Variants in NAALADL2 observed in about 807,000 individuals in gnomAD.
The protein encoded by NAALADL2 is inactive N-acetylated-alpha-linked acidic dipeptidase-like protein 2.
Under a neutral mutation model 87.2 loss-of-function variants are expected in NAALADL2, and 76 were observed. The ratio of observed to expected loss-of-function variants is 0.87; its 90% CI spans 0.72 to 1.05. NAALADL2 has a LOEUF of 1.05. Among genes scored for constraint, NAALADL2 ranks in the 50% least tolerant of loss-of-function variants. The pLI is 0.00. For missense variants in NAALADL2, 1,089 were observed against 945.8 expected, an observed-to-expected ratio of 1.15 and a Z score of -1.99; for synonymous variants, 354 against 331.0, an observed-to-expected ratio of 1.07 and a Z score of -0.75.
At chr3:175,196,414 G>T (rs555428788) in intron 2 of NAALADL2, among the ~76,000 whole-genome samples, 1 of 151,766 alleles carries the variant, frequency 6.6e-6, no homozygotes, top group African/African-American at 2.4e-5. Flanking sequence ...CTTTCTCCAG[G>T]CATCTTCCTA....
At chr3:175,344,821 A>G (rs1762956960) in intron 5 of NAALADL2, among the ~76,000 whole-genome samples, 1 of 152,180 alleles carries the variant, frequency 6.6e-6, no homozygotes, top group Non-Finnish European at 1.5e-5. Context: ...TTTATTAACT[A>G]CATTAGAAAT....
chr3:175,734,027 T>C (rs1744156402), intron 11 of NAALADL2, among the ~76,000 whole-genome samples: 1 of 152,158 alleles, frequency 6.6e-6, no homozygotes, highest in Non-Finnish European at 1.5e-5. Flanking sequence ...GTGTTGAGCA[T>C]CTGTGGCTTT....
At chr3:174,536,354 A>G (rs924339800) in intron 1 of NAALADL2, among the ~76,000 whole-genome samples, 3 of 152,108 alleles carry the variant, frequency 2.0e-5, no homozygotes, top group Non-Finnish European at 4.4e-5. Flanking sequence ...AATTACTGAG[A>G]TACGATATTG....
intron 13 of NAALADL2, among the ~76,000 whole-genome samples, chr3:175,756,712 A>G (rs981495528): frequency 3.9e-5 from 6 of 152,086 alleles, no homozygotes; most frequent in Non-Finnish European, 7.4e-5. Flanking sequence ...TACACTGTTC[A>G]CTATTTGGGT....
At chr3:175,575,770 T>A (rs73169493) in intron 9 of NAALADL2, among the ~76,000 whole-genome samples, 19,269 of 152,236 alleles carry the variant, frequency 0.13, 1,377 homozygotes, top group Middle Eastern at 0.17. Flanking sequence ...AAAAATGCTT[T>A]TGAAGCAACA....
intron 1 of NAALADL2, among the ~76,000 whole-genome samples, chr3:174,875,802 C>T (rs543078624): frequency 1.9e-4 from 29 of 151,406 alleles, no homozygotes; most frequent in Non-Finnish European, 3.3e-4. Flanking sequence ...TTGCTGGTAA[C>T]GATTAAGGTG....
chr3:174,779,657 T>C (rs1029981555), intron 3 of NAALADL2, among the ~76,000 whole-genome samples: 13 of 152,136 alleles, frequency 8.5e-5, no homozygotes, highest in Admixed American at 7.2e-4. Flanking sequence ...TGTATAGGTG[T>C]TAAAAAGGGA....
chr3:175,078,425 A>G (rs79597812), intron 1 of NAALADL2, among the ~76,000 whole-genome samples: 16,442 of 152,252 alleles, frequency 0.11, 1,016 homozygotes, highest in East Asian at 0.21. Flanking sequence ...AATTATTTAG[A>G]TATAAATTAA....
intron 9 of NAALADL2, among the ~76,000 whole-genome samples, chr3:175,488,423 T>G (rs963866725): frequency 1.3e-5 from 2 of 152,250 alleles, no homozygotes; most frequent in Non-Finnish European, 2.9e-5. Flanking sequence ...TATGCCAGCT[T>G]TTCCATTTGT....
At chr3:175,134,722 G>C (rs926467602) in intron 2 of NAALADL2, among the ~76,000 whole-genome samples, 1 of 152,084 alleles carries the variant, frequency 6.6e-6, no homozygotes, top group South Asian at 2.1e-4. Context: ...ATACTGAGCA[G>C]GGAATAACTT....
chr3:174,757,331 G>C (rs1000939268), intron 3 of NAALADL2, among the ~76,000 whole-genome samples: 1 of 152,146 alleles, frequency 6.6e-6, no homozygotes, highest in Non-Finnish European at 1.5e-5. Flanking sequence ...AATGAGCAAG[G>C]CTGGGGCATA....
chr3:175,474,737 C>CTT (rs1725418553), intron 9 of NAALADL2, among the ~76,000 whole-genome samples: 1 of 151,662 alleles, frequency 6.6e-6, no homozygotes. Flanking sequence ...GACTGCTTTT[C>CTT]CCTACCTCTT....
At chr3:175,696,287 A>C (rs966635076) in intron 11 of NAALADL2, among the ~76,000 whole-genome samples, 13 of 152,160 alleles carry the variant, frequency 8.5e-5, no homozygotes, top group African/African-American at 3.1e-4. Context: ...GTTAGTAACC[A>C]TGAAGAAAGA....
intron 5 of NAALADL2, among the ~76,000 whole-genome samples, chr3:175,388,644 C>A (rs1247234561): frequency 6.6e-6 from 1 of 152,078 alleles, no homozygotes; most frequent in African/African-American, 2.4e-5. Context: ...CCATCCCCAA[C>A]AGTGAATTCC....
At chr3:175,291,678 G>C (rs1581276187) in intron 4 of NAALADL2, among the ~76,000 whole-genome samples, 1 of 152,104 alleles carries the variant, frequency 6.6e-6, no homozygotes, top group African/African-American at 2.4e-5. Flanking sequence ...CCCAAGGAAT[G>C]AAGACTCCTG....
At chr3:175,213,988 T>C (rs1181054586) in intron 2 of NAALADL2, among the ~76,000 whole-genome samples, 1 of 152,152 alleles carries the variant, frequency 6.6e-6, no homozygotes, top group Admixed American at 6.5e-5. Context: ...ATGGTTTTGT[T>C]AAAGTAACGG....
chr3:175,055,248 C>T (rs1711884418), intron 1 of NAALADL2, among the ~76,000 whole-genome samples: 1 of 152,202 alleles, frequency 6.6e-6, no homozygotes, highest in Non-Finnish European at 1.5e-5. Flanking sequence ...CAATCAGGAG[C>T]TGTGCTATAC....
intron 2 of NAALADL2, among the ~76,000 whole-genome samples, chr3:175,130,519 A>T (rs1727659266): frequency 6.6e-6 from 1 of 152,162 alleles, no homozygotes; most frequent in African/African-American, 2.4e-5. Flanking sequence ...TGACTTTGGT[A>T]CGTGGTGTAA....
chr3:175,055,453 C>A (rs1711935617), intron 1 of NAALADL2, among the ~76,000 whole-genome samples: 1 of 152,198 alleles, frequency 6.6e-6, no homozygotes, highest in Non-Finnish European at 1.5e-5. Context: ...CAGGGGTTCC[C>A]CAGGCAGAAG....
Sources: gnomAD v4.1 joint callset for allele counts (sites outside exome capture counted in the v4.1 genomes callset) on GRCh38, gnomAD v4.1.1 for gene constraint, MANE v1.5 for transcripts, NCBI Gene and HGNC (gene_info 2026-07-23, HGNC 2026-07-21) for gene names.